The following PRR5L variants were observed in gnomAD, a reference collection of about 807,000 sequenced individuals.
PRR5L encodes proline rich 5 like, also known as proline-rich protein 5-like.
PRR5L carries 21 observed loss-of-function variants against 36.4 expected under a neutral mutation model. The ratio of observed to expected loss-of-function variants is 0.58; its 90% CI spans 0.41 to 0.83. PRR5L has a LOEUF of 0.83. PRR5L is among the 40% of genes least tolerant of loss of function. The pLI, the probability that PRR5L is intolerant of heterozygous loss-of-function variation, is 0.00. For missense variants in PRR5L, 381 were observed against 473.3 expected, an observed-to-expected ratio of 0.80 and a Z score of 1.81; for synonymous variants, 188 against 197.0, an observed-to-expected ratio of 0.95 and a Z score of 0.38.
chr11:36,360,643 GTA>G (rs1491006384), intron 1 of PRR5L, among the ~76,000 whole-genome samples: 1 of 152,210 alleles, frequency 6.6e-6, no homozygotes, highest in Non-Finnish European at 1.5e-5. Context: ...ATGTGTGTGT[GTA>G]TGTTTAGGGT....
intron 1 of PRR5L, among the ~76,000 whole-genome samples, chr11:36,371,540 T>C (rs1420326996): frequency 6.6e-6 from 1 of 152,236 alleles, no homozygotes; most frequent in East Asian, 1.9e-4. Flanking sequence ...TCCTCACAAG[T>C]TGTGCTAGGC....
intron 1 of PRR5L, among the ~76,000 whole-genome samples, chr11:36,324,164 A>G (rs1265362554): frequency 6.6e-6 from 1 of 152,234 alleles, no homozygotes; most frequent in East Asian, 1.9e-4. Context: ...TAACAAGATA[A>G]TGAATAAATT....
chr11:36,412,962 G>C (rs990843855), intron 3 of PRR5L, among the ~76,000 whole-genome samples: 42 of 151,990 alleles, frequency 2.8e-4, no homozygotes, highest in Non-Finnish European at 4.4e-4. Flanking sequence ...TTTTTTTGGT[G>C]GGGGGAAGGT....
chr11:36,305,176 A>G (rs1197321753), intron 1 of PRR5L, among the ~76,000 whole-genome samples: 1 of 152,238 alleles, frequency 6.6e-6, no homozygotes, highest in Non-Finnish European at 1.5e-5. Context: ...ATTCACACAC[A>G]GGAATATTAT....
intron 3 of PRR5L, among the ~76,000 whole-genome samples, chr11:36,413,684 TTTTA>T (rs939486629): frequency 6.6e-6 from 1 of 151,630 alleles, no homozygotes; most frequent in Non-Finnish European, 1.5e-5. Flanking sequence ...GTATACTTTA[TTTTA>T]TTTATTTCTA....
intron 1 of PRR5L, chr11:36,398,688 G>A (rs193286927): frequency 0.022 from 3,382 of 152,330 alleles, 52 homozygotes; most frequent in Non-Finnish European, 0.036. Flanking sequence ...GGCTGAGTGC[G>A]TGGTTGTGGC....
rs952223260 is a variant in PRR5L, at chr11:36,401,045, G to A, written c.-77G>A. On this transcript the variant is annotated 5_prime_UTR_variant, in exon 2 of 9. Transcript: ENST00000530639. ...AAGAAAGCCTGAGGGCCTGAAGGCAGCCCCTGGAGAAGCCCTTTCCGAGGG... is the reference window on the plus strand; with the variant it reads ...AAGAAAGCCTGAGGGCCTGAAGGCAACCCCTGGAGAAGCCCTTTCCGAGGG... 1.3e-5 allele frequency: 21 copies of A among 1,559,340 alleles called. No homozygotes were observed. The highest frequency in any genetic ancestry group is 1.1e-4 in the East Asian group (5 of 43,954).
chr11:36,440,466 A>G (rs1327833742), intron 6 of PRR5L, among the ~76,000 whole-genome samples: 1 of 152,168 alleles, frequency 6.6e-6, no homozygotes, highest in Admixed American at 6.5e-5. Context: ...GGCAAAATCC[A>G]TCATGTTCTC....
chr11:36,445,155 A>G (rs111406825), intron 6 of PRR5L, among the ~76,000 whole-genome samples: 2,692 of 152,298 alleles, frequency 0.018, 85 homozygotes, highest in African/African-American at 0.062. Flanking sequence ...ACTCTTGACC[A>G]TGTTTCTATA....
intron 1 of PRR5L, among the ~76,000 whole-genome samples, chr11:36,374,104 T>TCCTTCCTTCCTG (rs1491493668): frequency 3.0e-4 from 30 of 101,364 alleles, no homozygotes; most frequent in Non-Finnish European, 4.2e-4. Context: ...CTTCCTTCCT[T>TCCTTCCTTCCTG]CCTCTCTCTC....
At chr11:36,315,352 C>T (rs1250916018) in intron 1 of PRR5L, among the ~76,000 whole-genome samples, 1 of 152,162 alleles carries the variant, frequency 6.6e-6, no homozygotes, top group Non-Finnish European at 1.5e-5. Context: ...TATTTGCCTC[C>T]TTTCCTGATG....
At chr11:36,397,346 G>A (rs1014690929) in intron 1 of PRR5L, among the ~76,000 whole-genome samples, 2 of 149,646 alleles carry the variant, frequency 1.3e-5, no homozygotes, top group African/African-American at 2.4e-5. Context: ...CTACAGGCAT[G>A]AGCCACTGTG....
chr11:36,432,473 A>C (rs1388834556), intron 5 of PRR5L, among the ~76,000 whole-genome samples: 3 of 152,236 alleles, frequency 2.0e-5, no homozygotes, highest in Non-Finnish European at 2.9e-5. Flanking sequence ...AGATAGAAAC[A>C]GGTTCCAAAG....
intron 1 of PRR5L, among the ~76,000 whole-genome samples, chr11:36,313,054 C>T (rs1396588285): frequency 1.3e-5 from 2 of 152,226 alleles, no homozygotes; most frequent in African/African-American, 4.8e-5. Context: ...CAGCTGTGTT[C>T]ACAGAACATC....
chr11:36,304,181 C>CA (rs1427981280), intron 1 of PRR5L, among the ~76,000 whole-genome samples: 2 of 152,110 alleles, frequency 1.3e-5, no homozygotes, highest in Non-Finnish European at 2.9e-5. Flanking sequence ...TTTTCTGTGT[C>CA]AAAAATAATA....
At chr11:36,412,409 TATG>T (rs997982604) in intron 3 of PRR5L, among the ~76,000 whole-genome samples, 1 of 152,144 alleles carries the variant, frequency 6.6e-6, no homozygotes, top group South Asian at 2.1e-4. Flanking sequence ...TATTATTCGT[TATG>T]ATGATGATGA....
chr11:36,350,213 G>C (rs1440355958), intron 1 of PRR5L: 1 of 146,304 alleles, frequency 6.8e-6, no homozygotes, highest in Non-Finnish European at 1.5e-5. Flanking sequence ...AGTGTGTGTG[G>C]GGTGGGTGTG....
At chr11:36,406,291 G>T (rs377434889) in intron 3 of PRR5L, among the ~76,000 whole-genome samples, 3 of 152,040 alleles carry the variant, frequency 2.0e-5, no homozygotes, top group African/African-American at 7.3e-5. Flanking sequence ...AAATACATAT[G>T]GTTGAGGTTT....
At chr11:36,418,241 C>T (rs558950073) in intron 3 of PRR5L, among the ~76,000 whole-genome samples, 15 of 152,272 alleles carry the variant, frequency 9.9e-5, no homozygotes, top group African/African-American at 3.6e-4. Context: ...TAAATAAAAT[C>T]TCTCTATTGT....
Sources: allele counts gnomAD v4.1 joint callset (sites outside exome capture counted in the v4.1 genomes callset), GRCh38; gene constraint gnomAD v4.1.1; transcripts MANE v1.5; gene names NCBI Gene and HGNC (gene_info 2026-07-23, HGNC 2026-07-21).